NCKAP5: variants seen among roughly 807,000 people sequenced by gnomAD.
NCKAP5 encodes the protein NCK associated protein 5, also known as nck-associated protein 5.
In NCKAP5, 92 loss-of-function variants were observed where a neutral mutation model predicts 167.0. The observed-to-expected ratio is 0.55, with a 90% CI of 0.47 to 0.66. NCKAP5 has a LOEUF of 0.66. Ranked by LOEUF, NCKAP5 falls within the 30% of genes least tolerant of loss-of-function variation. The pLI, the probability that NCKAP5 is intolerant of heterozygous loss-of-function variation, is 0.00. For synonymous variants in NCKAP5, 891 were observed against 877.4 expected, an observed-to-expected ratio of 1.02 and a Z score of -0.27; for missense variants, 2,378 against 2,315.0, an observed-to-expected ratio of 1.03 and a Z score of -0.56.
rs115493373 is a variant in NCKAP5 at position 133,250,413 on chromosome 2, G to T, written c.144-36634C>A. Among the ~76,000 whole-genome samples, 699 of 152,188 alleles carry T rather than the reference G, an allele frequency of 4.6e-3. 5 individuals are homozygous for T. The highest frequency in any genetic ancestry group is 0.016 in the African/African-American group (648 of 41,502). ...CCACCAGCTTAGGGCATGTAAGACA[G>T]CATGCAGGTGTGGTTCCTCTGCCTC... On this transcript the variant is annotated intron_variant, in intron 4 of 19. Transcript: ENST00000409261.
intron 13 of NCKAP5, among the ~76,000 whole-genome samples, 198 bp downstream of exon 13, chr2:132,789,825 C>G: frequency 6.6e-6 from 1 of 152,152 alleles, no homozygotes; most frequent in Admixed American, 6.5e-5. Context: ...CATCTCACCA[C>G]GCTGCCCTCC....
At chr2:133,270,537 G>T (rs2089461577) in intron 4 of NCKAP5, among the ~76,000 whole-genome samples, 1 of 152,188 alleles carries the variant, frequency 6.6e-6, no homozygotes. Context: ...ACCTAAGGCC[G>T]ATTCACGCTG....
intron 4 of NCKAP5, among the ~76,000 whole-genome samples, chr2:133,289,769 A>G (rs1478242634): frequency 6.6e-6 from 1 of 152,220 alleles, no homozygotes; most frequent in African/African-American, 2.4e-5. Flanking sequence ...TGATTTATAC[A>G]GAAAAAAACA....
the NCKAP5 span, among the ~76,000 whole-genome samples, chr2:133,649,293 A>G: frequency 6.6e-6 from 1 of 151,414 alleles, no homozygotes; most frequent in Admixed American, 6.6e-5. Flanking sequence ...TGAACTGATG[A>G]ATACTACCAA....
At chr2:132,709,812 A>T (rs1688685341) in intron 19 of NCKAP5, among the ~76,000 whole-genome samples, 1 of 152,168 alleles carries the variant, frequency 6.6e-6, no homozygotes, top group Non-Finnish European at 1.5e-5. Flanking sequence ...AGAACTGAAA[A>T]ATAGGGAATA....
chr2:132,685,143 A>C (rs1430382615), intron 19 of NCKAP5, among the ~76,000 whole-genome samples: 1 of 152,228 alleles, frequency 6.6e-6, no homozygotes, highest in Non-Finnish European at 1.5e-5. Context: ...TTCTTGAAAT[A>C]ATGAATCATT....
At chr2:133,417,946 C>T (rs549653413) in intron 3 of NCKAP5, among the ~76,000 whole-genome samples, 47 of 152,272 alleles carry the variant, frequency 3.1e-4, no homozygotes, top group Admixed American at 2.0e-3. Context: ...CGTTGTTAGA[C>T]GCTAAAGTTA....
chr2:132,842,125 G>A (rs1688336752), intron 11 of NCKAP5, among the ~76,000 whole-genome samples: 1 of 152,082 alleles, frequency 6.6e-6, no homozygotes, highest in African/African-American at 2.4e-5. Context: ...TTTTTCAATG[G>A]TAGGTCTTTA....
At chr2:132,909,902 G>GACTT (rs926179697) in intron 8 of NCKAP5, among the ~76,000 whole-genome samples, 10 of 152,148 alleles carry the variant, frequency 6.6e-5, no homozygotes, top group Non-Finnish European at 1.5e-5. Flanking sequence ...TATGTGATAG[G>GACTT]ACTTGCTAAA....
At chr2:133,452,842 T>C (rs1691634369) in intron 3 of NCKAP5, among the ~76,000 whole-genome samples, 1 of 152,154 alleles carries the variant, frequency 6.6e-6, no homozygotes, top group Non-Finnish European at 1.5e-5. Flanking sequence ...CTTTCCCCTG[T>C]ACAGTCATGC....
chr2:132,903,344 A>G (rs972641946), intron 8 of NCKAP5, among the ~76,000 whole-genome samples: 1 of 152,266 alleles, frequency 6.6e-6, no homozygotes, highest in African/African-American at 2.4e-5. Flanking sequence ...GATAGAGAAC[A>G]TTTCCAACAC....
intron 11 of NCKAP5, among the ~76,000 whole-genome samples, chr2:132,845,684 T>C (rs969093215): frequency 6.6e-6 from 1 of 152,204 alleles, no homozygotes; most frequent in Non-Finnish European, 1.5e-5. Context: ...TATAGAATAT[T>C]TTGAAGTACC....
chr2:132,887,221 G>T (rs1261621843), intron 8 of NCKAP5, among the ~76,000 whole-genome samples: 3 of 151,008 alleles, frequency 2.0e-5, no homozygotes, highest in African/African-American at 4.9e-5. Context: ...ATTTTTTTTT[G>T]ACTAAAACAA....
chr2:133,558,772 G>A (rs909006145), intron 2 of NCKAP5, among the ~76,000 whole-genome samples: 17 of 138,838 alleles, frequency 1.2e-4, no homozygotes, highest in South Asian at 2.4e-4. Context: ...ACCCAGAAGC[G>A]GATTGGGGGT....
intron 18 of NCKAP5, among the ~76,000 whole-genome samples, 195 bp downstream of exon 18, chr2:132,728,621 A>G (rs560695228): frequency 1.2e-3 from 186 of 152,318 alleles, no homozygotes; most frequent in Non-Finnish European, 2.2e-3. Context: ...CTTCAGAATA[A>G]AAGTGTCCCA....
intron 1 of NCKAP5, among the ~76,000 whole-genome samples, chr2:133,566,502 C>T (rs112630819): frequency 5.3e-5 from 8 of 152,298 alleles, no homozygotes; most frequent in East Asian, 3.9e-4. Flanking sequence ...AGAAATGTAA[C>T]GAGAGCCAAA....
At chr2:133,638,359 C>T in the NCKAP5 span, among the ~76,000 whole-genome samples, 5 of 151,920 alleles carry the variant, frequency 3.3e-5, no homozygotes, top group African/African-American at 4.8e-5. Flanking sequence ...TATTTTTCAC[C>T]AGGGAAGAGA....
intron 3 of NCKAP5, among the ~76,000 whole-genome samples, chr2:133,351,919 G>A (rs1684390313): frequency 6.6e-6 from 1 of 152,140 alleles, no homozygotes; most frequent in Admixed American, 6.5e-5. Context: ...TTGTCCTTCA[G>A]AATATCCTCA....
chr2:133,408,091 C>T (rs1688550723), intron 3 of NCKAP5, among the ~76,000 whole-genome samples: 1 of 152,168 alleles, frequency 6.6e-6, no homozygotes, highest in African/African-American at 2.4e-5. Context: ...TGGAATAGTG[C>T]AGTCCATTGG....
Sources: gnomAD v4.1 joint callset for allele counts (sites outside exome capture counted in the v4.1 genomes callset) on GRCh38, gnomAD v4.1.1 for gene constraint, MANE v1.5 for transcripts, NCBI Gene and HGNC (gene_info 2026-07-23, HGNC 2026-07-21) for gene names.